Variants in RIMS2 observed in about 807,000 individuals in gnomAD.
RIMS2 encodes the protein regulating synaptic membrane exocytosis protein 2.
In RIMS2, 59 loss-of-function variants were observed where a neutral mutation model predicts 174.4. That is an observed-to-expected ratio of 0.34 (90% confidence interval 0.27 to 0.42). The LOEUF is 0.42. RIMS2 is among the 10% of genes least tolerant of loss of function. RIMS2 has a pLI of 1.00. For synonymous variants in RIMS2, 606 were observed against 572.5 expected (o/e 1.06, Z -0.84); for missense variants, 1,620 against 1,666.3 (o/e 0.97, Z 0.48).
At chr8:103,605,298 A>T (rs1183506702) in intron 1 of RIMS2, among the ~76,000 whole-genome samples, 1 of 144,850 alleles carries the variant, frequency 6.9e-6, no homozygotes, top group Non-Finnish European at 1.5e-5. Flanking sequence ...ATGCTGGATT[A>T]CATTTATTGA....
At chr8:104,042,254 G>A (rs1022132111) in intron 19 of RIMS2, among the ~76,000 whole-genome samples, 4 of 151,516 alleles carry the variant, frequency 2.6e-5, no homozygotes, top group African/African-American at 7.3e-5. Context: ...TTCTTTTGTA[G>A]AGAGCATTTC....
At chr8:103,565,313 T>TC (rs1336357024) in intron 1 of RIMS2, among the ~76,000 whole-genome samples, 1 of 151,842 alleles carries the variant, frequency 6.6e-6, no homozygotes, top group East Asian at 1.9e-4. Flanking sequence ...GTTTAATGTT[T>TC]TTTTTTTTGG....
chr8:103,887,716 TCA>T (rs2099213185), intron 4 of RIMS2, among the ~76,000 whole-genome samples: 1 of 151,600 alleles, frequency 6.6e-6, no homozygotes, highest in Non-Finnish European at 1.5e-5. Context: ...GATTATGGAA[TCA>T]TTTTATACTG....
intron 19 of RIMS2, among the ~76,000 whole-genome samples, chr8:104,103,264 G>T (rs2097945396): frequency 6.6e-6 from 1 of 152,094 alleles, no homozygotes; most frequent in South Asian, 2.1e-4. Context: ...AATAGATACA[G>T]AATTCATTTT....
At chr8:103,560,629 A>G (rs2091436473) in intron 1 of RIMS2, among the ~76,000 whole-genome samples, 1 of 152,226 alleles carries the variant, frequency 6.6e-6, no homozygotes, top group Non-Finnish European at 1.5e-5. Flanking sequence ...AGTGTTTTAC[A>G]TATAAAGTAA....
At chr8:103,741,903 G>A (rs1424336182) in intron 2 of RIMS2, among the ~76,000 whole-genome samples, 2 of 151,944 alleles carry the variant, frequency 1.3e-5, no homozygotes, top group Non-Finnish European at 2.9e-5. Context: ...TTTACTTTGC[G>A]ATTTAAATAA....
chr8:104,154,421 CTAAGT>C (rs2098709049), intron 19 of RIMS2, among the ~76,000 whole-genome samples: 1 of 152,168 alleles, frequency 6.6e-6, no homozygotes, highest in South Asian at 2.1e-4. Context: ...GCTAGGGTAA[CTAAGT>C]TAACTGGATT....
intron 19 of RIMS2, chr8:104,148,788 A>C (rs557744002): frequency 1.4e-4 from 224 of 1,598,324 alleles, no homozygotes; most frequent in Non-Finnish European, 1.8e-4. Context: ...TGGTGCCAAA[A>C]TGGTAGCTAT....
At chr8:103,737,662 A>G (rs984832227) in intron 2 of RIMS2, among the ~76,000 whole-genome samples, 2 of 152,166 alleles carry the variant, frequency 1.3e-5, no homozygotes, top group Non-Finnish European at 2.9e-5. Context: ...GCTTCTGACT[A>G]TCTTTCTAAC....
At chr8:104,246,559 A>G (rs2140123530) in intron 20 of RIMS2, among the ~76,000 whole-genome samples, 1 of 152,342 alleles carries the variant, frequency 6.6e-6, no homozygotes, top group East Asian at 1.9e-4. Flanking sequence ...AAGAAAAACT[A>G]GTAAAATTTA....
intron 19 of RIMS2, among the ~76,000 whole-genome samples, chr8:104,146,575 T>C (rs558443322): frequency 6.6e-6 from 1 of 152,334 alleles, no homozygotes; most frequent in South Asian, 2.1e-4. Context: ...TTTATGGCCT[T>C]GATATTCAAA....
intron 19 of RIMS2, among the ~76,000 whole-genome samples, chr8:104,105,034 T>C (rs1166332321): frequency 6.6e-6 from 1 of 152,094 alleles, no homozygotes; most frequent in African/African-American, 2.4e-5. Context: ...TTTATGTAAG[T>C]TTGGGATAAT....
At chr8:103,558,919 T>C (rs1314127409) in intron 1 of RIMS2, among the ~76,000 whole-genome samples, 1 of 152,176 alleles carries the variant, frequency 6.6e-6, no homozygotes, top group African/African-American at 2.4e-5. Flanking sequence ...CTTGTGGTTT[T>C]GTTTGGGTGG....
intron 1 of RIMS2, among the ~76,000 whole-genome samples, chr8:103,679,026 T>C (rs28517319): frequency 0.18 from 26,868 of 151,962 alleles, 2,587 homozygotes; most frequent in African/African-American, 0.24. Context: ...TCTAGGATTT[T>C]CAAGAAAGTT....
chr8:103,671,228 G>C (rs2096740360), intron 1 of RIMS2, among the ~76,000 whole-genome samples: 2 of 152,112 alleles, frequency 1.3e-5, no homozygotes, highest in African/African-American at 4.8e-5. Context: ...CTCCCACCGA[G>C]TGCCTCCCAA....
chr8:104,228,814 T>A (rs2099206325), intron 19 of RIMS2, among the ~76,000 whole-genome samples: 1 of 152,198 alleles, frequency 6.6e-6, no homozygotes, highest in Non-Finnish European at 1.5e-5. Context: ...TAACAAATCA[T>A]TCCATAAATG....
intron 19 of RIMS2, among the ~76,000 whole-genome samples, chr8:104,048,382 C>G (rs1161094051): frequency 6.6e-6 from 1 of 151,948 alleles, no homozygotes; most frequent in East Asian, 1.9e-4. Context: ...AGATATCATG[C>G]CCACCTATTT....
chr8:104,052,545 A>T lies in RIMS2; in HGVS notation c.3334+37930A>T, dbSNP rs931981610. On this transcript the variant is annotated intron_variant, in intron 19 of 23. Coordinates refer to ENST00000504942, the Ensembl canonical transcript of RIMS2. ...AAAGCAGTGGGCAAGAAACCAAAAAAGATCAAGAGATATTTAGGGCTAACA... is the reference window on the plus strand; with the variant it reads ...AAAGCAGTGGGCAAGAAACCAAAAATGATCAAGAGATATTTAGGGCTAACA... Among the ~76,000 whole-genome samples, 3 of 152,210 alleles carry T rather than the reference A, an allele frequency of 2.0e-5. No individual in the cohort carries two copies. In the East Asian group the frequency reaches 5.8e-4, roughly 29 times the overall value.
intron 3 of RIMS2, among the ~76,000 whole-genome samples, chr8:103,842,040 C>A (rs2098943129): frequency 6.6e-6 from 1 of 151,944 alleles, no homozygotes; most frequent in Admixed American, 6.6e-5. Context: ...ACTTCTAGTG[C>A]AACTATAATT....
Sources: gnomAD v4.1 joint callset for allele counts (sites outside exome capture counted in the v4.1 genomes callset) on GRCh38, gnomAD v4.1.1 for gene constraint, MANE v1.5 for transcripts, NCBI Gene and HGNC (gene_info 2026-07-23, HGNC 2026-07-21) for gene names.